Variants in ZNF251 observed in about 807,000 individuals in gnomAD.
The protein encoded by ZNF251 is zinc finger protein 251.
A neutral mutation model predicts 13.5 loss-of-function variants in ZNF251; 14 were observed. That is an observed-to-expected ratio of 1.04 (90% CI 0.69 to 1.63). The LOEUF (loss-of-function observed/expected upper bound fraction) is 1.63, where lower values mean the gene tolerates loss of function less well. Ranked by LOEUF, ZNF251 falls within the 40% of genes most tolerant of loss-of-function variation. The pLI is 0.00. For missense variants in ZNF251, 764 were observed against 834.9 expected, an observed-to-expected ratio of 0.92 and a Z score of 1.05; for synonymous variants, 287 against 295.2, an observed-to-expected ratio of 0.97 and a Z score of 0.28.
At chr8:144,732,755 T>C (rs1002024240) in intron 4 of ZNF251, among the ~76,000 whole-genome samples, 40 of 144,042 alleles carry the variant, frequency 2.8e-4, no homozygotes, top group Non-Finnish European at 3.1e-4. Flanking sequence ...GAGCTTGCAG[T>C]GAGCCAAGAT....
chr8:144,737,756 C>T lies in ZNF251; in HGVS notation c.278-14374G>A, dbSNP rs762673190. The stretch of plus-strand genomic sequence containing the variant: ...CTGAGGCAGGAGAATGGCGTGAACC[C>T]GGGAGGCAGAGCTTGCAGTGAGCCG... On this transcript the variant is annotated intron_variant, in intron 4 of 4. Coordinates refer to ENST00000292562, the MANE Select transcript of ZNF251 (RefSeq NM_138367.2). Among the ~76,000 whole-genome samples, 179 of 144,976 alleles carry T rather than the reference C, an allele frequency of 1.2e-3. 1 individual carries two copies. Among genetic ancestry groups the T allele is most frequent in the Non-Finnish European group, 7.3e-4 (49 of 67,128 alleles).
rs747371415 is a variant in ZNF251, at chr8:144,722,636, TTC to T, written c.1022_1023del (p.Arg341AsnfsTer9). ...TCATGCGGCTTCTCTCCAGTGTGAATTCTCTGATGCTGAGTTAACTGGGGGCT... is the reference window on the plus strand; with the variant it reads ...TCATGCGGCTTCTCTCCAGTGTGAATTCTGATGCTGAGTTAACTGGGGGCT... ...SQSPQLTQHQ[R>X]IHTGEKPHEC... On this transcript the variant is annotated frameshift_variant, in exon 5 of 5. Coordinates refer to ENST00000292562, the MANE Select transcript of ZNF251 (RefSeq NM_138367.2). LOFTEE classifies it low-confidence loss of function (END_TRUNC). This position sits in a 1 kb window ranked among gnomAD's most constrained non-coding sequence, Gnocchi z 4.8. The T allele has an allele frequency of 6.2e-7, 1 of 1,614,210 alleles. No homozygotes were observed. Among genetic ancestry groups the T allele is most frequent in the Non-Finnish European group, 8.5e-7 (1 of 1,180,022 alleles).
chr8:144,721,914 A>C lies in ZNF251; in HGVS notation c.1746T>G (p.Thr582=). The C allele has an allele frequency of 1.3e-6, 2 of 1,509,364 alleles. No individual in the cohort carries two copies. Among genetic ancestry groups the C allele is most frequent in the Non-Finnish European group, 1.8e-6 (2 of 1,128,690 alleles). The allele number at this position is 1,509,364 out of a possible 1,614,324, so 93.5% of individuals were successfully genotyped here. The change falls in exon 5 of 5, where the codon ACT becomes ACG. Residue 582 remains threonine (T), a synonymous_variant. Coordinates refer to ENST00000292562, the MANE Select transcript of ZNF251 (RefSeq NM_138367.2). The stretch of plus-strand genomic sequence containing the variant: ...CCCCAGCATGCATTATCTGATCTTC[A>C]GTGGGTCGTGAGGTGGGACTGAAAG... ...GKAFSPTSRP[T]EDQIMHAGEK... is the part of the protein sequence containing the mutation.
chr8:144,745,885 TCAAG>T (rs1370406057), intron 4 of ZNF251, among the ~76,000 whole-genome samples: 1 of 152,080 alleles, frequency 6.6e-6, no homozygotes, highest in Non-Finnish European at 1.5e-5. Flanking sequence ...AATCTGTAAA[TCAAG>T]CAGAGGACTG....
intron 4 of ZNF251, among the ~76,000 whole-genome samples, chr8:144,733,892 C>A (rs183580364): frequency 7.2e-5 from 11 of 152,222 alleles, no homozygotes; most frequent in Non-Finnish European, 1.3e-4. Context: ...AGGGAGCGCA[C>A]CCATGCTTAG....
intron 4 of ZNF251, among the ~76,000 whole-genome samples, chr8:144,742,798 T>C (rs1231281130): frequency 6.6e-6 from 1 of 152,116 alleles, no homozygotes; most frequent in Non-Finnish European, 1.5e-5. Flanking sequence ...GGGGATTGGG[T>C]CCGAGACCCC....
At chr8:144,729,913 G>T in intron 4 of ZNF251, 1 of 390,344 alleles carries the variant, frequency 2.6e-6, no homozygotes, top group Non-Finnish European at 3.5e-6. Flanking sequence ...CAGGTTACAT[G>T]TGTTTTTTGT....
At chr8:144,743,153 T>C (rs1377317176) in intron 4 of ZNF251, among the ~76,000 whole-genome samples, 1 of 152,190 alleles carries the variant, frequency 6.6e-6, no homozygotes, top group African/African-American at 2.4e-5. Context: ...AAACTCCGCC[T>C]CCCGGGTTCA....
At chr8:144,737,346 C>A (rs1055713998) in intron 4 of ZNF251, among the ~76,000 whole-genome samples, 8 of 152,100 alleles carry the variant, frequency 5.3e-5, no homozygotes, top group African/African-American at 1.9e-4. Context: ...GATCTGCCCG[C>A]TTTGGCCTTT....
Position 144,754,246 on chromosome 8 carries a change from G to C in ZNF251, c.109C>G (p.Arg37Gly), listed in dbSNP as rs769142842. The C allele has an allele frequency of 2.5e-6, 4 of 1,613,892 alleles. No homozygotes were observed. The highest frequency in any genetic ancestry group is 1.1e-5 in the South Asian group (1 of 91,062). Residue 37 changes from arginine (R) to glycine (G), a missense_variant, in exon 3 of 5, where the codon CGG becomes GGG. Coordinates refer to ENST00000292562, the MANE Select transcript of ZNF251 (RefSeq NM_138367.2). ...AEGRQLGPQQ[R>G]ALYRDVMLEN... ...AGCATCACATCCCGGTAGAGCGCCC[G>C]CTGCTGGGGGCCCAGCTGCCGCCCC...
chr8:144,732,795 G>A (rs919671516), intron 4 of ZNF251, among the ~76,000 whole-genome samples: 4 of 133,146 alleles, frequency 3.0e-5, no homozygotes, highest in Non-Finnish European at 6.2e-5. Flanking sequence ...CTGGGCGACA[G>A]AGCGAGACTC....
In ZNF251 at chr8:144,732,618, C is replaced by G. The variant is rs549811500; in HGVS notation, c.278-9236G>C. Reference sequence around the variant, plus strand: ...ACGAGGTCAGGAGATGGAGACCATCCTGGCCAACACGGTGAAACCCCGTCT... The same window carrying G: ...ACGAGGTCAGGAGATGGAGACCATCGTGGCCAACACGGTGAAACCCCGTCT... On this transcript the variant is annotated intron_variant, in intron 4 of 4. Transcript: ENST00000292562. Among the ~76,000 whole-genome samples the G allele has an allele frequency of 4.6e-5, 7 of 151,278 alleles. No individual in the cohort carries two copies. The South Asian group carries it at 1.3e-3, about 27-fold the overall frequency.
chr8:144,749,873 T>C (rs1313477236), intron 4 of ZNF251, among the ~76,000 whole-genome samples: 1 of 127,900 alleles, frequency 7.8e-6, no homozygotes, highest in Admixed American at 7.6e-5. Context: ...TCTTTTTCTT[T>C]TCTTTTTTTT....
At chr8:144,729,894 G>A (rs1823642701) in intron 4 of ZNF251, among the ~76,000 whole-genome samples, 1 of 152,134 alleles carries the variant, frequency 6.6e-6, no homozygotes, top group Non-Finnish European at 1.5e-5. Flanking sequence ...TCTCTCATCA[G>A]GCTATCAACA....
At chr8:144,755,056 G>A in intron 1 of ZNF251, 1 of 1,333,902 alleles carries the variant, frequency 7.5e-7, no homozygotes, top group Non-Finnish European at 9.6e-7. Flanking sequence ...ACCTGCTGAA[G>A]GCCCTGGAAA....
chr8:144,749,543 C>A (rs1824591757), intron 4 of ZNF251, among the ~76,000 whole-genome samples: 3 of 152,094 alleles, frequency 2.0e-5, no homozygotes, highest in South Asian at 4.1e-4. Flanking sequence ...TAACATCTAC[C>A]ACATTTGTTA....
chr8:144,751,526 A>G (rs577371994), intron 4 of ZNF251, among the ~76,000 whole-genome samples: 17 of 152,348 alleles, frequency 1.1e-4, no homozygotes, highest in African/African-American at 4.1e-4. Flanking sequence ...TGTATACTGT[A>G]AACCTTAGGA....
In ZNF251 at chr8:144,727,233, G is replaced by A. The variant is rs111655330; in HGVS notation, c.278-3851C>T. Among the ~76,000 whole-genome samples the A allele has an allele frequency of 9.3e-3, 1,421 of 152,292 alleles. 13 individuals are homozygous for A. Among genetic ancestry groups the A allele is most frequent in the African/African-American group, 0.032 (1,348 of 41,558 alleles). ...AATGCTTTGTTTCCTAATCTGTGCC[G>A]GTTCCATGGCTGGGTCTGATTTGTA... On this transcript the variant is annotated intron_variant, in intron 4 of 4. Coordinates refer to ENST00000292562, the MANE Select transcript of ZNF251 (RefSeq NM_138367.2).
intron 4 of ZNF251, among the ~76,000 whole-genome samples, chr8:144,725,535 T>C (rs1823495664): frequency 6.7e-6 from 1 of 150,226 alleles, no homozygotes; most frequent in Non-Finnish European, 1.5e-5. Flanking sequence ...CAAGCAATCC[T>C]CCTGCTTCAG....
Sources: gnomAD v4.1 joint callset for allele counts (sites outside exome capture counted in the v4.1 genomes callset) on GRCh38, gnomAD v4.1.1 for gene constraint, Gnocchi (gnomAD v3.1) non-coding constraint, MANE v1.5 for transcripts, NCBI Gene and HGNC (gene_info 2026-07-23, HGNC 2026-07-21) for gene names.